Variants in SLC1A2 observed in about 807,000 individuals in gnomAD.
SLC1A2 encodes the protein solute carrier family 1 member 2.
In SLC1A2, 15 loss-of-function variants were observed where a neutral mutation model predicts 48.8. The ratio of observed to expected loss-of-function variants is 0.31; its 90% CI spans 0.21 to 0.47. The LOEUF is 0.47. SLC1A2 is among the 20% of genes least tolerant of loss of function. The pLI is 0.99. For missense variants in SLC1A2, 502 were observed against 730.5 expected (o/e 0.69, Z 3.61); for synonymous variants, 279 against 272.6 (o/e 1.02, Z -0.23).
chr11:35,307,881 G>A (rs574739130), intron 4 of SLC1A2, among the ~76,000 whole-genome samples: 14 of 152,302 alleles, frequency 9.2e-5, no homozygotes, highest in East Asian at 1.9e-4. Flanking sequence ...ACATGTACTC[G>A]TGCAGGGAGA....
chr11:35,288,780 G>A (rs1220412239), intron 7 of SLC1A2, among the ~76,000 whole-genome samples: 1 of 151,148 alleles, frequency 6.6e-6, no homozygotes, highest in Admixed American at 6.6e-5. Flanking sequence ...ACTAGGAATT[G>A]CTGGCATACA....
At chr11:35,327,367 A>G (rs1394840092) in intron 1 of SLC1A2, among the ~76,000 whole-genome samples, 1 of 152,026 alleles carries the variant, frequency 6.6e-6, no homozygotes, top group East Asian at 1.9e-4. Context: ...CAGCAAAAGA[A>G]CAGGTACTAA....
chr11:35,280,655 T>A, intron 9 of SLC1A2: 1 of 488,212 alleles, frequency 2.0e-6, no homozygotes, highest in East Asian at 3.3e-5. Flanking sequence ...TCTCTCTGAT[T>A]CCTCCACTAG....
intron 1 of SLC1A2, among the ~76,000 whole-genome samples, chr11:35,371,361 G>T (rs1047036514): frequency 1.3e-5 from 2 of 152,106 alleles, no homozygotes; most frequent in African/African-American, 4.8e-5. Context: ...CCTCTCTCAG[G>T]TTTTACTGAT....
At chr11:35,415,484 T>C (rs1855578068) in intron 1 of SLC1A2, among the ~76,000 whole-genome samples, 1 of 152,248 alleles carries the variant, frequency 6.6e-6, no homozygotes, top group Non-Finnish European at 1.5e-5. Flanking sequence ...CAGCCAAGCC[T>C]GAGGCATGCA....
chr11:35,277,685 C>T (rs183768770), intron 9 of SLC1A2, among the ~76,000 whole-genome samples: 1 of 152,324 alleles, frequency 6.6e-6, no homozygotes, highest in East Asian at 1.9e-4. Flanking sequence ...ATTGAAAAGA[C>T]TTGAGAGGCA....
chr11:35,265,769 A>T lies in SLC1A2; in HGVS notation c.1422-11T>A. On this transcript the variant is annotated splice_polypyrimidine_tract_variant and intron_variant, in intron 9 of 10. Transcript: ENST00000278379. ...GTTCTCATCCTGTCCCTGGGGACAA[A>T]GAACAGAAAAGGTTCAGTGAGGAAG... 1 of 1,553,050 alleles carries T rather than the reference A, an allele frequency of 6.4e-7. No homozygotes were observed. Among genetic ancestry groups the T allele is most frequent in the Non-Finnish European group, 8.9e-7 (1 of 1,126,712 alleles).
intron 1 of SLC1A2, among the ~76,000 whole-genome samples, chr11:35,386,263 T>A (rs1854581019): frequency 6.6e-6 from 1 of 152,210 alleles, no homozygotes; most frequent in African/African-American, 2.4e-5. Context: ...TCTTTCACAC[T>A]CTCAGGTTTG....
At chr11:35,313,677 G>C (rs539605896) in intron 3 of SLC1A2, among the ~76,000 whole-genome samples, 9 of 152,110 alleles carry the variant, frequency 5.9e-5, no homozygotes, top group Non-Finnish European at 1.3e-4. Context: ...CACCAAGTTG[G>C]CCAACGTATG....
intron 3 of SLC1A2, 58 bp from the exon 4 acceptor site, chr11:35,312,506 T>G (rs1851739422): frequency 2.5e-6 from 4 of 1,574,004 alleles, no homozygotes; most frequent in South Asian, 2.2e-5. Flanking sequence ...TAATGACCTG[T>G]GTCTACATTT....
At chr11:35,385,208 C>T (rs1433755970) in intron 1 of SLC1A2, among the ~76,000 whole-genome samples, 2 of 152,216 alleles carry the variant, frequency 1.3e-5, no homozygotes, top group Non-Finnish European at 2.9e-5. Context: ...CAAGCTCAAA[C>T]CATCCCTGCC....
intron 4 of SLC1A2, among the ~76,000 whole-genome samples, chr11:35,306,829 C>T (rs1000678243): frequency 1.4e-4 from 22 of 152,210 alleles, no homozygotes; most frequent in Non-Finnish European, 2.6e-4. Context: ...AGATAACGAC[C>T]GCCAGTCTTA....
At chr11:35,304,772 ACACT>A (rs1199781293) in intron 5 of SLC1A2, among the ~76,000 whole-genome samples, 1 of 152,092 alleles carries the variant, frequency 6.6e-6, no homozygotes, top group African/African-American at 2.4e-5. Flanking sequence ...AACAAACATG[ACACT>A]CAATTACTTT....
At chr11:35,350,574 C>T (rs1335350043) in intron 1 of SLC1A2, among the ~76,000 whole-genome samples, 1 of 152,218 alleles carries the variant, frequency 6.6e-6, no homozygotes, top group African/African-American at 2.4e-5. Flanking sequence ...TATGCTGCTT[C>T]CTAGGTCCTG....
intron 1 of SLC1A2, among the ~76,000 whole-genome samples, chr11:35,339,344 A>G (rs924811830): frequency 2.6e-5 from 4 of 152,228 alleles, no homozygotes; most frequent in Admixed American, 1.3e-4. Flanking sequence ...AAGAGATTTC[A>G]TAAAATCAAA....
intron 1 of SLC1A2, among the ~76,000 whole-genome samples, chr11:35,332,896 C>T (rs1275920410): frequency 6.6e-6 from 1 of 152,170 alleles, no homozygotes; most frequent in Non-Finnish European, 1.5e-5. Context: ...TGTTCTTCCT[C>T]CCCATACTCT....
At chr11:35,275,117 G>T (rs1470351534) in intron 9 of SLC1A2, among the ~76,000 whole-genome samples, 2 of 152,202 alleles carry the variant, frequency 1.3e-5, no homozygotes, top group Non-Finnish European at 2.9e-5. Context: ...GTGCATGCTC[G>T]AGTTTGAGAA....
chr11:35,304,248 C>G (rs1012653966), intron 5 of SLC1A2, among the ~76,000 whole-genome samples: 2 of 152,042 alleles, frequency 1.3e-5, no homozygotes, highest in Non-Finnish European at 2.9e-5. Context: ...TGGAAACAAC[C>G]AGGAAAGTCT....
chr11:35,393,344 A>G (rs1426287214), intron 1 of SLC1A2, among the ~76,000 whole-genome samples: 1 of 152,142 alleles, frequency 6.6e-6, no homozygotes, highest in Non-Finnish European at 1.5e-5. Context: ...ACCGCATTTT[A>G]TTGCAGCTTG....
Sources: gnomAD v4.1 joint callset for allele counts (sites outside exome capture counted in the v4.1 genomes callset) on GRCh38, gnomAD v4.1.1 for gene constraint, MANE v1.5 for transcripts, NCBI Gene and HGNC (gene_info 2026-07-23, HGNC 2026-07-21) for gene names.